Variants in PTPRC observed in about 807,000 individuals in gnomAD.
PTPRC encodes receptor-type tyrosine-protein phosphatase C.
In PTPRC, 44 loss-of-function variants were observed where a neutral mutation model predicts 155.9. The ratio of observed to expected loss-of-function variants is 0.28; its 90% CI spans 0.22 to 0.36. PTPRC has a LOEUF of 0.36. Ranked by LOEUF, PTPRC falls within the 10% of genes least tolerant of loss-of-function variation. The pLI, the probability that PTPRC is intolerant of heterozygous loss-of-function variation, is 1.00. For missense variants in PTPRC, 1,401 were observed against 1,564.6 expected (o/e 0.90, Z 1.76); for synonymous variants, 525 against 533.1 (o/e 0.98, Z 0.21).
chr1:198,744,239 T>TAAC, intron 26 of PTPRC, 36 bp downstream of exon 26: 1 of 1,558,860 alleles, frequency 6.4e-7, no homozygotes, highest in South Asian at 1.1e-5. Context: ...TAATTACAGA[T>TAAC]AACTTTTATT....
chr1:198,662,653 T>C (rs535826694), intron 2 of PTPRC, among the ~76,000 whole-genome samples: 1 of 152,128 alleles, frequency 6.6e-6, no homozygotes, highest in East Asian at 1.9e-4. Context: ...AAACCTAAAA[T>C]GTAGTTCTCT....
intron 2 of PTPRC, among the ~76,000 whole-genome samples, chr1:198,644,579 A>G (rs115432021): frequency 6.6e-6 from 1 of 152,032 alleles, no homozygotes; most frequent in African/African-American, 2.4e-5. Flanking sequence ...AGGAATGACT[A>G]CTATAAGCAG....
intron 13 of PTPRC, 47 bp downstream of exon 13, chr1:198,716,887 A>C (rs191500819): frequency 1.3e-6 from 2 of 1,566,838 alleles, no homozygotes; most frequent in African/African-American, 2.7e-5. Flanking sequence ...GTAAAAAGCA[A>C]GGTATGAACT....
chr1:198,722,464 C>A lies in PTPRC; in HGVS notation c.1708C>A (p.His570Asn). The change falls in exon 15 of 33, where the codon CAT becomes AAT. Residue 570 changes from histidine (H) to asparagine (N), a missense_variant. His to Asn is a moderately conservative substitution (Grantham distance 68, BLOSUM62 1). Coordinates refer to ENST00000442510, the MANE Select transcript of PTPRC (RefSeq NM_002838.5). Reference sequence around the variant, plus strand: ...TCCTGGAGAACCCTTTATTTTACATCATTCAACATCTTGTAAGTTATCACT... The same window carrying A: ...TCCTGGAGAACCCTTTATTTTACATAATTCAACATCTTGTAAGTTATCACT... ...DYPGEPFILH[H>N]STSYNSKALI... is the part of the protein sequence containing the mutation. The A allele has an allele frequency of 1.4e-6, 2 of 1,464,010 alleles. No individual in the cohort carries two copies. The highest frequency in any genetic ancestry group is 1.9e-5 in the Admixed American group (1 of 51,400). 90.7% of individuals were successfully genotyped at this position (1,464,010 alleles called of 1,614,324 possible).
At chr1:198,747,496 T>C (rs1571891721) in intron 26 of PTPRC, among the ~76,000 whole-genome samples, 2 of 151,798 alleles carry the variant, frequency 1.3e-5, no homozygotes, top group South Asian at 2.1e-4. Flanking sequence ...TTTAGAAGGA[T>C]TAGAGCAGGC....
intron 26 of PTPRC, among the ~76,000 whole-genome samples, chr1:198,745,705 G>C (rs1402124397): frequency 6.6e-6 from 1 of 151,768 alleles, no homozygotes; most frequent in Non-Finnish European, 1.5e-5. Context: ...TGTGTATGCA[G>C]ATAGTTGAGT....
chr1:198,713,428 C>T (rs370539400), intron 12 of PTPRC, among the ~76,000 whole-genome samples: 178 of 152,170 alleles, frequency 1.2e-3, no homozygotes, highest in African/African-American at 2.9e-3. Context: ...CTAAACAAAC[C>T]AACAAACAAG....
chr1:198,708,174 A>G lies in PTPRC; in HGVS notation c.946A>G (p.Lys316Glu). The G allele has an allele frequency of 6.2e-7, 1 of 1,606,350 alleles. No homozygotes were observed. The highest frequency in any genetic ancestry group is 1.1e-5 in the South Asian group (1 of 90,960). ...FQLHDCTQVEKADTTICLKWK... is the reference protein window; with the variant it reads ...FQLHDCTQVEEADTTICLKWK... Reference sequence around the variant, plus strand: ...GTTACATGATTGTACACAAGTTGAAAAAGCAGATACTACTATTTGTTTAAA... The same window carrying G: ...GTTACATGATTGTACACAAGTTGAAGAAGCAGATACTACTATTTGTTTAAA... The change falls in exon 10 of 33, where the codon AAA becomes GAA. Residue 316 changes from lysine to glutamate, a missense_variant. Physicochemically the swap from Lys to Glu is moderately conservative, Grantham distance 56. Coordinates refer to ENST00000442510, the MANE Select transcript of PTPRC (RefSeq NM_002838.5).
chr1:198,683,185 G>GATT (rs1208994409), intron 2 of PTPRC, among the ~76,000 whole-genome samples: 1 of 152,108 alleles, frequency 6.6e-6, no homozygotes, highest in Non-Finnish European at 1.5e-5. Context: ...TTTCTATAAT[G>GATT]ATTAGATAAA....
chr1:198,719,041 T>C (rs768601414), intron 14 of PTPRC, among the ~76,000 whole-genome samples: 13 of 152,152 alleles, frequency 8.5e-5, no homozygotes, highest in Non-Finnish European at 1.9e-4. Context: ...AACACACTTA[T>C]TGGTAAAGCA....
At chr1:198,671,288 G>A (rs1664632860) in intron 2 of PTPRC, among the ~76,000 whole-genome samples, 1 of 151,742 alleles carries the variant, frequency 6.6e-6, no homozygotes, top group Non-Finnish European at 1.5e-5. Context: ...AATGGACCAA[G>A]CTAAAGCATT....
At chr1:198,748,490 G>T (rs569636268) in intron 27 of PTPRC, among the ~76,000 whole-genome samples, 2 of 151,782 alleles carry the variant, frequency 1.3e-5, no homozygotes, top group South Asian at 4.1e-4. Context: ...GGAGAAAAAA[G>T]AGCAAGTCTC....
At chr1:198,729,192 T>C in intron 17 of PTPRC, 21 bp downstream of exon 17, 1 of 1,601,428 alleles carries the variant, frequency 6.2e-7, no homozygotes, top group Non-Finnish European at 8.5e-7. Context: ...ATATTTTTGC[T>C]GATGACTATT....
At chr1:198,752,877 A>C (rs1394981580) in intron 31 of PTPRC, 105 bp downstream of exon 31, 3 of 1,262,986 alleles carry the variant, frequency 2.4e-6, no homozygotes, top group Non-Finnish European at 3.4e-6. Flanking sequence ...ACATAACCAC[A>C]GTAAAAACTT....
chr1:198,687,616 G>T (rs2102353102), intron 2 of PTPRC, among the ~76,000 whole-genome samples: 1 of 151,932 alleles, frequency 6.6e-6, no homozygotes, highest in Admixed American at 6.6e-5. Context: ...GGGGGGCGGG[G>T]TGTGGGGAAT....
At position 198,744,067 on chromosome 1, in the gene PTPRC, T is replaced by C; in HGVS notation, c.2711T>C (p.Leu904Ser). 6.2e-7 allele frequency: 1 copy of C among 1,604,888 alleles called. No individual in the cohort carries two copies. ...LMVQVEAQYI[L>S]IHQALVEYNQ... Reference sequence around the variant, plus strand: ...TTGAAATTGTAGGCCCAGTACATCTTGATCCATCAGGCTTTGGTGGAATAC... The same window carrying C: ...TTGAAATTGTAGGCCCAGTACATCTCGATCCATCAGGCTTTGGTGGAATAC... Residue 904 changes from leucine (L) to serine (S), a missense_variant, in exon 26 of 33, where the codon TTG (leucine) becomes TCG (serine). This residue lies in a region of PTPRC where 134 missense variants were observed against 204.7 expected (regional missense o/e 0.65). Coordinates refer to ENST00000442510, the MANE Select transcript of PTPRC (RefSeq NM_002838.5).
intron 24 of PTPRC, 88 bp from the exon 25 acceptor site, chr1:198,742,144 A>G (rs1654930458): frequency 1.2e-6 from 2 of 1,602,878 alleles, no homozygotes; most frequent in South Asian, 1.1e-5. Flanking sequence ...GAAACAACCT[A>G]TGGGAGAAGC....
At chr1:198,729,810 A>C (rs1422433613) in intron 17 of PTPRC, among the ~76,000 whole-genome samples, 1 of 152,150 alleles carries the variant, frequency 6.6e-6, no homozygotes, top group Non-Finnish European at 1.5e-5. Context: ...ATAGTTCTAT[A>C]GATATATGGA....
At chr1:198,688,114 C>T (rs766937465) in intron 2 of PTPRC, among the ~76,000 whole-genome samples, 13 of 150,976 alleles carry the variant, frequency 8.6e-5, no homozygotes, top group East Asian at 1.9e-4. Context: ...TGTGTGTGCA[C>T]GCACATATTT....
Sources: gnomAD v4.1 joint callset for allele counts (sites outside exome capture counted in the v4.1 genomes callset) on GRCh38, gnomAD v4.1.1 for gene constraint, gnomAD v4.1.1 regional missense constraint, MANE v1.5 for transcripts, NCBI Gene and HGNC (gene_info 2026-07-23, HGNC 2026-07-21) for gene names.